USP40: variants seen among roughly 807,000 people sequenced by gnomAD.
The protein encoded by USP40 is ubiquitin specific peptidase 40, also known as ubiquitin carboxyl-terminal hydrolase 40.
USP40 carries 143 observed loss-of-function variants against 166.2 expected under a neutral mutation model. The observed-to-expected ratio is 0.86, with a 90% CI of 0.75 to 0.99. The LOEUF (loss-of-function observed/expected upper bound fraction) is 0.99. Among genes scored for constraint, USP40 ranks in the 50% least tolerant of loss-of-function variants. The pLI is 0.00. For synonymous variants in USP40, 498 were observed against 524.0 expected (o/e 0.95, Z 0.68); for missense variants, 1,444 against 1,479.7 (o/e 0.98, Z 0.40).
intron 5 of USP40, 70 bp from the exon 6 acceptor site, chr2:233,554,596 A>G (rs2070882582): frequency 8.1e-7 from 1 of 1,236,346 alleles, no homozygotes; most frequent in South Asian, 1.7e-5. Flanking sequence ...CAACTCACAT[A>G]TATATTGGGA....
chr2:233,491,848 C>A (rs976346073), intron 25 of USP40, among the ~76,000 whole-genome samples: 13 of 152,168 alleles, frequency 8.5e-5, no homozygotes, highest in Non-Finnish European at 1.6e-4. Context: ...GCTTTCTCAT[C>A]AAAAACAATA....
intron 5 of USP40, 162 bp downstream of exon 5, chr2:233,556,693 A>C: frequency 1.8e-6 from 1 of 552,240 alleles, no homozygotes; most frequent in East Asian, 3.5e-5. Context: ...AGAAATCTGG[A>C]TTATAGGCTC....
intron 21 of USP40, among the ~76,000 whole-genome samples, chr2:233,505,325 G>A (rs2066345507): frequency 1.3e-5 from 2 of 151,438 alleles, no homozygotes. Context: ...GAAGCAGAAG[G>A]GAATAATAAA....
Position 233,480,042 on chromosome 2 carries a change from C to A in USP40, c.3599+1161G>T, listed in dbSNP as rs968304936. On this transcript the variant is annotated intron_variant, in intron 31 of 31. Coordinates refer to ENST00000678225, the MANE Select transcript of USP40 (RefSeq NM_001365479.2). This position sits in a 1 kb window ranked among gnomAD's most constrained non-coding sequence, Gnocchi z 4.5. ...ACAAAGCAGCCAGTGATCATGTCAA[C>A]GCGTCCCCCTTCACACCCTCCAGCA... 3.3e-5 allele frequency among the ~76,000 whole-genome samples: 5 copies of A among 152,180 alleles called. No individual in the cohort carries two copies. The highest frequency in any genetic ancestry group is 7.4e-5 in the Non-Finnish European group (5 of 68,026).
chr2:233,530,229 C>CACACAG (rs1283010128), intron 11 of USP40, among the ~76,000 whole-genome samples: 4 of 150,436 alleles, frequency 2.7e-5, no homozygotes, highest in East Asian at 2.0e-4. Context: ...CACACACACA[C>CACACAG]AGGCACACAC....
intron 21 of USP40, among the ~76,000 whole-genome samples, chr2:233,501,289 G>A (rs2066058394): frequency 6.6e-6 from 1 of 152,130 alleles, no homozygotes. Flanking sequence ...GTGAGTAAGA[G>A]GGGGAAATGG....
chr2:233,544,755 C>T (rs1409313227), intron 8 of USP40, among the ~76,000 whole-genome samples: 2 of 152,114 alleles, frequency 1.3e-5, no homozygotes, highest in African/African-American at 4.8e-5. Context: ...ATGGCTATAC[C>T]TTCAATATAA....
chr2:233,533,425 T>G (rs1188792842), intron 11 of USP40, 54 bp downstream of exon 11: 1 of 1,522,762 alleles, frequency 6.6e-7, no homozygotes, highest in Non-Finnish European at 8.8e-7. Context: ...GCATTCCATG[T>G]TTATCTTCTA....
At chr2:233,535,762 AGAT>A (rs2068891107) in intron 10 of USP40, among the ~76,000 whole-genome samples, 1 of 152,184 alleles carries the variant, frequency 6.6e-6, no homozygotes, top group Admixed American at 6.5e-5. Context: ...AGACATGGGG[AGAT>A]GATGGTCAAA....
At chr2:233,542,742 T>G (rs941554481) in intron 8 of USP40, 2 of 159,074 alleles carry the variant, frequency 1.3e-5, no homozygotes, top group African/African-American at 4.8e-5. Context: ...CTGCATATGC[T>G]TGGAATGAGG....
chr2:233,495,804 T>C (rs986977669), intron 24 of USP40, among the ~76,000 whole-genome samples: 1 of 152,190 alleles, frequency 6.6e-6, no homozygotes, highest in Non-Finnish European at 1.5e-5. Context: ...ATTATGAGTA[T>C]TGCCTATTCA....
intron 21 of USP40, among the ~76,000 whole-genome samples, chr2:233,506,740 C>CAAAA (rs1227656570): frequency 6.5e-4 from 35 of 53,826 alleles, no homozygotes; most frequent in African/African-American, 1.5e-3. Flanking sequence ...ACCGAAAATA[C>CAAAA]AAAAAAAAAA....
intron 18 of USP40, among the ~76,000 whole-genome samples, chr2:233,518,900 T>C (rs2067451997): frequency 6.6e-6 from 1 of 152,150 alleles, no homozygotes; most frequent in African/African-American, 2.4e-5. Context: ...TGTGATACTA[T>C]CCATATAATG....
chr2:233,494,915 CATATAT>C (rs1169787200), intron 24 of USP40, among the ~76,000 whole-genome samples: 3 of 11,368 alleles, frequency 2.6e-4, no homozygotes, highest in Non-Finnish European at 5.1e-4. Flanking sequence ...AGCAAAATGG[CATATAT>C]ATATATATAT....
chr2:233,500,171 C>T (rs1181850388), intron 21 of USP40, among the ~76,000 whole-genome samples: 2 of 152,172 alleles, frequency 1.3e-5, no homozygotes, highest in Admixed American at 1.3e-4. Context: ...GTTTCATCCA[C>T]CAACTCCCAG....
intron 21 of USP40, among the ~76,000 whole-genome samples, chr2:233,500,195 C>A (rs976363192): frequency 6.6e-6 from 1 of 152,172 alleles, no homozygotes; most frequent in African/African-American, 2.4e-5. Context: ...TGAACCATGA[C>A]TTTCTTCCTG....
chr2:233,505,627 G>A (rs930746923), intron 21 of USP40, among the ~76,000 whole-genome samples: 5 of 152,138 alleles, frequency 3.3e-5, no homozygotes, highest in Non-Finnish European at 7.4e-5. Flanking sequence ...ATTAAATGAT[G>A]AAGAAATAGA....
Position 233,488,388 on chromosome 2 carries a change from T to C in USP40, c.3132-84A>G, listed in dbSNP as rs548082392. The C allele has an allele frequency of 4.6e-5, 61 of 1,315,604 alleles. No individual in the cohort carries two copies. In the African/African-American group the frequency reaches 8.5e-4, roughly 18 times the overall value. 81.5% of individuals were successfully genotyped at this position (1,315,604 alleles called of 1,614,324 possible). A position where few individuals can be genotyped will look rare whatever the true frequency, so the allele number is the denominator to read the frequency against. ...TTTTTTCCCCCAATTTTAAGCTTTT[T>C]TCTTAAGCAAAGAATTGTTTTCTGA... is the stretch of plus-strand genomic sequence containing the variant. On this transcript the variant is annotated intron_variant, in intron 27 of 31. Coordinates refer to ENST00000678225, the MANE Select transcript of USP40 (RefSeq NM_001365479.2).
At chr2:233,534,672 C>T (rs2068811874) in intron 10 of USP40, among the ~76,000 whole-genome samples, 2 of 152,046 alleles carry the variant, frequency 1.3e-5, no homozygotes, top group Non-Finnish European at 2.9e-5. Context: ...TGTATGAGAA[C>T]AGAGGGTAAA....
Sources: gnomAD v4.1 joint callset for allele counts (sites outside exome capture counted in the v4.1 genomes callset) on GRCh38, gnomAD v4.1.1 for gene constraint, Gnocchi (gnomAD v3.1) non-coding constraint, MANE v1.5 for transcripts, NCBI Gene and HGNC (gene_info 2026-07-23, HGNC 2026-07-21) for gene names.